Variants in LRATD2 observed in about 807,000 individuals in gnomAD.
LRATD2 encodes LRAT domain containing 2, also known as protein LRATD2.
Under a neutral mutation model 12.0 loss-of-function variants are expected in LRATD2, and 10 were observed. The ratio of observed to expected loss-of-function variants is 0.83; its 90% CI spans 0.51 to 1.41. The LOEUF (loss-of-function observed/expected upper bound fraction) is 1.41, where lower values mean the gene tolerates loss of function less well. LRATD2 is among the 40% of genes most tolerant of loss of function. LRATD2 has a pLI of 0.00. For missense variants in LRATD2, 455 were observed against 446.1 expected (o/e 1.02, Z -0.18); for synonymous variants, 220 against 205.8 (o/e 1.07, Z -0.59).
rs1293149405 is a variant in LRATD2, at chr8:126,553,250, CA to C, written c.*3206del. 3 of 152,542 alleles carry C rather than the reference CA, an allele frequency of 2.0e-5. No homozygotes were observed. Among genetic ancestry groups the C allele is most frequent in the Admixed American group, 6.5e-5 (1 of 15,282 alleles). 9.4% of individuals were successfully genotyped at this position (152,542 alleles called of 1,614,324 possible). On this transcript the variant is annotated 3_prime_UTR_variant, in exon 2 of 2. Coordinates refer to ENST00000304916, the MANE Select transcript of LRATD2 (RefSeq NM_174911.5). The stretch of plus-strand genomic sequence containing the variant: ...TAAATTAAATGTGAAATAAAAGCTA[CA>C]AAAAGTATGAGTTCTTTCAATACAA...
Position 126,556,586 on chromosome 8 carries a change from C to T in LRATD2, c.804G>A (p.Glu268=). The change falls in exon 2 of 2, where the codon GAG becomes GAA. Residue 268 remains glutamate (E), a synonymous_variant. Coordinates refer to ENST00000304916, the MANE Select transcript of LRATD2 (RefSeq NM_174911.5). The surrounding 1 kb of genome is among the most constrained non-coding windows in gnomAD (Gnocchi z 5.6). ...CCGCCGGGTGCAGGTGCGTGGCGAG[C>T]TCCTGCAGCACGGCCGCGCGCCCGA... is the stretch of plus-strand genomic sequence containing the variant. ...DQIGRAAVLQ[E]LATHLHPAEP... The T allele has an allele frequency of 1.2e-6, 2 of 1,609,866 alleles. No individual in the cohort carries two copies. Among genetic ancestry groups the T allele is most frequent in the Non-Finnish European group, 1.7e-6 (2 of 1,178,154 alleles).
chr8:126,557,429 A>G lies in LRATD2; in HGVS notation c.-40T>C, dbSNP rs1043079489. The G allele has an allele frequency of 1.3e-6, 2 of 1,599,384 alleles. No homozygotes were observed. Among genetic ancestry groups the G allele is most frequent in the African/African-American group, 2.7e-5 (2 of 74,182 alleles). On this transcript the variant is annotated 5_prime_UTR_variant, in exon 2 of 2. Coordinates refer to ENST00000304916, the MANE Select transcript of LRATD2 (RefSeq NM_174911.5). The surrounding 1 kb of genome is among the most constrained non-coding windows in gnomAD (Gnocchi z 5.3). ...ACGTTCACACCGCCGCAAGGGGAGA[A>G]AGCGAAACCAACTCCAGGGTCATTT...
At position 126,557,048 on chromosome 8, in the gene LRATD2, G is replaced by C. The variant is rs758233298; in HGVS notation, c.342C>G (p.Asn114Lys). ...CCACCAGATCGCCCGGCTTGCACTT[G>C]TTGAGCAGGTTCTCGGGCGTGTAGG... ...LSTYTPENLLNKCKPGDLVEF... is the reference protein window; with the variant it reads ...LSTYTPENLLKKCKPGDLVEF... Residue 114 changes from asparagine (N) to lysine (K), a missense_variant, in exon 2 of 2, where the codon AAC becomes AAG. Transcript: ENST00000304916. This position sits in a 1 kb window ranked among gnomAD's most constrained non-coding sequence, Gnocchi z 5.3. 8.1e-6 allele frequency: 13 copies of C among 1,607,618 alleles called. No homozygotes were observed. In the Admixed American group the frequency reaches 1.8e-4, roughly 23 times the overall value.
Position 126,556,451 on chromosome 8 carries a change from C to T in LRATD2, c.*6G>A. On this transcript the variant is annotated 3_prime_UTR_variant, in exon 2 of 2. Transcript: ENST00000304916. This position sits in a 1 kb window ranked among gnomAD's most constrained non-coding sequence, Gnocchi z 5.6. ...CCCCTTCGCAGCTCTGCGCTCAGCT[C>T]GCCCATCAGTGTGCCACTGCCTCTC... is the stretch of plus-strand genomic sequence containing the variant. 4.5e-6 allele frequency: 7 copies of T among 1,557,066 alleles called. No individual in the cohort carries two copies. The highest frequency in any genetic ancestry group is 6.0e-6 in the Non-Finnish European group (7 of 1,157,510).
At position 126,556,623 on chromosome 8, in the gene LRATD2, C is replaced by G; in HGVS notation, c.767G>C (p.Arg256Pro). Residue 256 changes from arginine to proline, a missense_variant, in exon 2 of 2, where the codon CGC (arginine) becomes CCC (proline). Transcript: ENST00000304916. The surrounding 1 kb of genome is among the most constrained non-coding windows in gnomAD (Gnocchi z 5.6). ...GGCCGCGCGCCCGATCTGGTCGTTG[C>G]GTCGCTTCTCCATGATCAGGTCCTC... Reference protein sequence around the residue: ...SLEDLIMEKRRNDQIGRAAVL... With the variant: ...SLEDLIMEKRPNDQIGRAAVL... 6.2e-7 allele frequency: 1 copy of G among 1,611,222 alleles called. No individual in the cohort carries two copies. The highest frequency in any genetic ancestry group is 8.5e-7 in the Non-Finnish European group (1 of 1,178,888).
rs1314909184 is a variant in LRATD2 at position 126,558,362 on chromosome 8, A to T, written c.-425T>A. On this transcript the variant is annotated 5_prime_UTR_variant, in exon 1 of 2. Transcript: ENST00000304916. ...GACGGCAGCCTCGCAGCCTGGCGGC[A>T]ACAGCTCCCGCTTGGGCCGGGCGAG... The T allele has an allele frequency of 6.6e-6, 1 of 152,164 alleles. No homozygotes were observed. The highest frequency in any genetic ancestry group is 2.4e-5 in the African/African-American group (1 of 41,440). The allele number at this position is 152,164 out of a possible 1,614,324, so 9.4% of individuals were successfully genotyped here.
rs367700277 is a variant in LRATD2, at chr8:126,556,547, G to A, written c.843C>T (p.Gly281=). ...THLHPAEPEE[G]DSNVARTTPP... ...GCGTAGTCCGCGCCACGTTGCTGTC[G>A]CCCTCCTCCGGCTCCGCCGGGTGCA... Residue 281 remains glycine (G), a synonymous_variant, in exon 2 of 2, where the codon GGC becomes GGT. Coordinates refer to ENST00000304916, the MANE Select transcript of LRATD2 (RefSeq NM_174911.5). This position sits in a 1 kb window ranked among gnomAD's most constrained non-coding sequence, Gnocchi z 5.6. 25 of 1,604,550 alleles carry A rather than the reference G, an allele frequency of 1.6e-5. No homozygotes were observed. The highest frequency in any genetic ancestry group is 2.1e-5 in the Non-Finnish European group (25 of 1,176,494).
chr8:126,557,671 G>C lies in LRATD2; in HGVS notation c.-96-186C>G. Reference sequence around the variant, plus strand: ...GGTCACAGGAGACTGGGCAACTCCTGTTCTCCCTGTCCCCAGCCCTTCGCC... The same window carrying C: ...GGTCACAGGAGACTGGGCAACTCCTCTTCTCCCTGTCCCCAGCCCTTCGCC... On this transcript the variant is annotated intron_variant, in intron 1 of 1. Transcript: ENST00000304916. The surrounding 1 kb of genome is among the most constrained non-coding windows in gnomAD (Gnocchi z 5.3). 1 of 484,342 alleles carries C rather than the reference G, an allele frequency of 2.1e-6. No individual in the cohort carries two copies. The highest frequency in any genetic ancestry group is 3.9e-5 in the East Asian group (1 of 25,830). 30.0% of individuals were successfully genotyped at this position (484,342 alleles called of 1,614,324 possible). A position where few individuals can be genotyped will look rare whatever the true frequency, so the allele number is the denominator to read the frequency against.
In LRATD2 at chr8:126,556,698, T is replaced by A; in HGVS notation, c.692A>T (p.Gln231Leu). Residue 231 changes from glutamine to leucine, a missense_variant, in exon 2 of 2, where the codon CAG (glutamine) becomes CTG (leucine). Physicochemically the swap from Gln to Leu is moderately radical, Grantham distance 113. Coordinates refer to ENST00000304916, the MANE Select transcript of LRATD2 (RefSeq NM_174911.5). The surrounding 1 kb of genome is among the most constrained non-coding windows in gnomAD (Gnocchi z 5.6). ...GCTGCGCTGCGCCGACAGCTGAATC[T>A]GCAGCCGGTAGGGCTGCTTGCCGAT... ...LRIGKQPYRL[Q>L]IQLSAQRSHT... 2 of 1,609,708 alleles carry A rather than the reference T, an allele frequency of 1.2e-6. No individual in the cohort carries two copies. Among genetic ancestry groups the A allele is most frequent in the Non-Finnish European group, 1.7e-6 (2 of 1,178,642 alleles).
rs1817325253 is a variant in LRATD2, at chr8:126,553,590, T to C, written c.*2867A>G. The C allele has an allele frequency of 6.6e-6, 1 of 152,610 alleles. No homozygotes were observed. The highest frequency in any genetic ancestry group is 1.5e-5 in the Non-Finnish European group (1 of 68,054). 9.5% of individuals were successfully genotyped at this position (152,610 alleles called of 1,614,324 possible). The stretch of plus-strand genomic sequence containing the variant: ...TGCCAGGGCATTAAAAACTCACTTA[T>C]CCACAACACTGCCGTCTTCAGGAAA... On this transcript the variant is annotated 3_prime_UTR_variant, in exon 2 of 2. Transcript: ENST00000304916.
In LRATD2 at chr8:126,556,293, C is replaced by T. The variant is rs573985144; in HGVS notation, c.*164G>A. On this transcript the variant is annotated 3_prime_UTR_variant, in exon 2 of 2. Coordinates refer to ENST00000304916, the MANE Select transcript of LRATD2 (RefSeq NM_174911.5). The surrounding 1 kb of genome is among the most constrained non-coding windows in gnomAD (Gnocchi z 5.6). ...CTCCCTCTGTCCCCTTCCTCCTCCC[C>T]CGTCCACAGCCGGCTGCGCATTTCA... The T allele has an allele frequency of 1.7e-5, 14 of 805,300 alleles. No individual in the cohort carries two copies. The highest frequency in any genetic ancestry group is 2.6e-5 in the Non-Finnish European group (14 of 544,110). The allele number at this position is 805,300 out of a possible 1,614,324, so 49.9% of individuals were successfully genotyped here. A position where few individuals can be genotyped will look rare whatever the true frequency, so the allele number is the denominator to read the frequency against.
In LRATD2 at chr8:126,555,761, C is replaced by G. The variant is rs1016842465; in HGVS notation, c.*696G>C. 1 of 152,604 alleles carries G rather than the reference C, an allele frequency of 6.6e-6. No homozygotes were observed. Among genetic ancestry groups the G allele is most frequent in the African/African-American group, 2.4e-5 (1 of 41,422 alleles). 9.5% of individuals were successfully genotyped at this position (152,604 alleles called of 1,614,324 possible). On this transcript the variant is annotated 3_prime_UTR_variant, in exon 2 of 2. Transcript: ENST00000304916. ...CAGGAGCCTCAGCTAAGAGCCAGCT[C>G]CAGAAGGCTAATTACTTGGGGGTTG...
Position 126,556,296 on chromosome 8 carries a change from T to C in LRATD2, c.*161A>G, listed in dbSNP as rs770776953. On this transcript the variant is annotated 3_prime_UTR_variant, in exon 2 of 2. Transcript: ENST00000304916. The surrounding 1 kb of genome is among the most constrained non-coding windows in gnomAD (Gnocchi z 5.6). ...CCTCTGTCCCCTTCCTCCTCCCCCG[T>C]CCACAGCCGGCTGCGCATTTCACCA... 9.9e-5 allele frequency: 82 copies of C among 830,142 alleles called. No homozygotes were observed. The highest frequency in any genetic ancestry group is 1.3e-4 in the Non-Finnish European group (76 of 566,338). 51.4% of individuals were successfully genotyped at this position (830,142 alleles called of 1,614,324 possible).
chr8:126,557,285 G>A lies in LRATD2; in HGVS notation c.105C>T (p.Ser35=). ...DRDDGPRIGV[S]YIFSNDDEDV... ...CCTCATCGTCATTGGAGAAAATGTA[G>A]GAGACCCCAATGCGGGGCCCGTCGT... The change falls in exon 2 of 2, where the codon TCC becomes TCT. Residue 35 remains serine (S), a synonymous_variant. Coordinates refer to ENST00000304916, the MANE Select transcript of LRATD2 (RefSeq NM_174911.5). The surrounding 1 kb of genome is among the most constrained non-coding windows in gnomAD (Gnocchi z 5.3). 3 of 1,613,026 alleles carry A rather than the reference G, an allele frequency of 1.9e-6. No homozygotes were observed. The highest frequency in any genetic ancestry group is 8.5e-7 in the Non-Finnish European group (1 of 1,179,818).
rs1455960157 is a variant in LRATD2, at chr8:126,556,082, A to G, written c.*375T>C. 1 of 238,546 alleles carries G rather than the reference A, an allele frequency of 4.2e-6. No individual in the cohort carries two copies. Among genetic ancestry groups the G allele is most frequent in the African/African-American group, 2.3e-5 (1 of 43,666 alleles). The allele number at this position is 238,546 out of a possible 1,614,324, so 14.8% of individuals were successfully genotyped here. ...TCTTCCAAGCCCAGGATAGGAAGCA[A>G]CGGCAGGAATGGGTACTCCGAACTT... On this transcript the variant is annotated 3_prime_UTR_variant, in exon 2 of 2. Coordinates refer to ENST00000304916, the MANE Select transcript of LRATD2 (RefSeq NM_174911.5). This position sits in a 1 kb window ranked among gnomAD's most constrained non-coding sequence, Gnocchi z 5.6.
In LRATD2 at chr8:126,556,197, C is replaced by A; in HGVS notation, c.*260G>T. 4 of 493,634 alleles carry A rather than the reference C, an allele frequency of 8.1e-6. No individual in the cohort carries two copies. The highest frequency in any genetic ancestry group is 1.4e-5 in the Non-Finnish European group (4 of 284,600). The allele number at this position is 493,634 out of a possible 1,614,324, so 30.6% of individuals were successfully genotyped here. ...CAGGCAAGTCCACAGTTTGCTCCAC[C>A]GCGGAGAGGAAGACAGACAGGGGGC... On this transcript the variant is annotated 3_prime_UTR_variant, in exon 2 of 2. Coordinates refer to ENST00000304916, the MANE Select transcript of LRATD2 (RefSeq NM_174911.5). This position sits in a 1 kb window ranked among gnomAD's most constrained non-coding sequence, Gnocchi z 5.6.
chr8:126,557,126 C>T lies in LRATD2; in HGVS notation c.264G>A (p.Arg88=). The T allele has an allele frequency of 6.2e-7, 1 of 1,612,658 alleles. No individual in the cohort carries two copies. Among genetic ancestry groups the T allele is most frequent in the Non-Finnish European group, 8.5e-7 (1 of 1,179,952 alleles). The change falls in exon 2 of 2, where the codon CGG becomes CGA. Residue 88 remains arginine (R), a synonymous_variant. Coordinates refer to ENST00000304916, the MANE Select transcript of LRATD2 (RefSeq NM_174911.5). The surrounding 1 kb of genome is among the most constrained non-coding windows in gnomAD (Gnocchi z 5.3). The part of the protein sequence containing the change: ...LHEVECSVFY[R]DECIYQKSFA... ...AGCTCTTCTGGTAGATGCATTCGTC[C>T]CGGTAGAACACGGAGCATTCCACCT...
In LRATD2 at chr8:126,557,313, C is replaced by T; in HGVS notation, c.77G>A (p.Arg26Gln). Residue 26 changes from arginine to glutamine, a missense_variant, in exon 2 of 2, where the codon CGG becomes CAG. By Grantham distance (43) the Arg-to-Gln change is conservative. Coordinates refer to ENST00000304916, the MANE Select transcript of LRATD2 (RefSeq NM_174911.5). This position sits in a 1 kb window ranked among gnomAD's most constrained non-coding sequence, Gnocchi z 5.3. ...GACCCCAATGCGGGGCCCGTCGTCC[C>T]GGTCCACGCCAGTCGGGTCGGCCGT... ...VPTADPTGVDRDDGPRIGVSY... is the reference protein window; with the variant it reads ...VPTADPTGVDQDDGPRIGVSY... The T allele has an allele frequency of 6.2e-7, 1 of 1,613,882 alleles. No homozygotes were observed. Among genetic ancestry groups the T allele is most frequent in the Non-Finnish European group, 8.5e-7 (1 of 1,180,002 alleles).
Position 126,557,464 on chromosome 8 carries a change from C to T in LRATD2, c.-75G>A. On this transcript the variant is annotated 5_prime_UTR_variant, in exon 2 of 2. Transcript: ENST00000304916. The surrounding 1 kb of genome is among the most constrained non-coding windows in gnomAD (Gnocchi z 5.3). The stretch of plus-strand genomic sequence containing the variant: ...AACTCCAGGGTCATTTGCACAGGTC[C>T]CCGGACAGGGGCTGAGGCTACCTGT... The T allele has an allele frequency of 6.6e-7, 1 of 1,506,714 alleles. No individual in the cohort carries two copies. Among genetic ancestry groups the T allele is most frequent in the Non-Finnish European group, 9.0e-7 (1 of 1,110,148 alleles). The allele number at this position is 1,506,714 out of a possible 1,614,324, so 93.3% of individuals were successfully genotyped here. A position where few individuals can be genotyped will look rare whatever the true frequency, so the allele number is the denominator to read the frequency against.
Sources: gnomAD v4.1 joint callset for allele counts on GRCh38, gnomAD v4.1.1 for gene constraint, Gnocchi (gnomAD v3.1) non-coding constraint, MANE v1.5 for transcripts, NCBI Gene and HGNC (gene_info 2026-07-23, HGNC 2026-07-21) for gene names.